The following LRRC4C variants were observed in gnomAD, a reference collection of about 807,000 sequenced individuals.
The protein encoded by LRRC4C is leucine rich repeat containing 4C, also known as leucine-rich repeat-containing protein 4C.
A neutral mutation model predicts 33.6 loss-of-function variants in LRRC4C; 5 were observed. The observed-to-expected ratio is 0.15, with a 90% confidence interval of 0.08 to 0.31. LRRC4C has a LOEUF of 0.31. Among genes scored for constraint, LRRC4C ranks in the 10% least tolerant of loss-of-function variants. LRRC4C has a pLI of 1.00. For synonymous variants in LRRC4C, 329 were observed against 302.0 expected, an observed-to-expected ratio of 1.09 and a Z score of -0.93; for missense variants, 560 against 796.7, an observed-to-expected ratio of 0.70 and a Z score of 3.58.
intron 1 of LRRC4C, among the ~76,000 whole-genome samples, chr11:41,001,281 G>A (rs1041789816): frequency 6.6e-6 from 1 of 152,120 alleles, no homozygotes; most frequent in African/African-American, 2.4e-5. Flanking sequence ...CCCCTTTTCA[G>A]TGAAGGATTC....
intron 2 of LRRC4C, among the ~76,000 whole-genome samples, chr11:40,817,885 C>T (rs981027067): frequency 6.6e-6 from 1 of 152,058 alleles, no homozygotes; most frequent in African/African-American, 2.4e-5. Flanking sequence ...GCTTTTCTAT[C>T]AGCATAACAC....
intron 1 of LRRC4C, among the ~76,000 whole-genome samples, chr11:40,950,385 CTATT>C (rs1565234048): frequency 6.6e-6 from 1 of 152,046 alleles, no homozygotes; most frequent in African/African-American, 2.4e-5. Flanking sequence ...CACTCAGATG[CTATT>C]TGTCTATTTT....
intron 3 of LRRC4C, among the ~76,000 whole-genome samples, chr11:40,452,699 A>G (rs1485563138): frequency 6.6e-6 from 1 of 152,218 alleles, no homozygotes; most frequent in African/African-American, 2.4e-5. Flanking sequence ...CCAAAGGGTT[A>G]TAAGTCATGC....
intron 1 of LRRC4C, among the ~76,000 whole-genome samples, chr11:40,979,505 T>C (rs1225923343): frequency 1.3e-5 from 2 of 152,200 alleles, no homozygotes; most frequent in Admixed American, 6.5e-5. Flanking sequence ...ATTACCACCA[T>C]TTCTTTCCCA....
chr11:40,389,401 A>G (rs948754507), intron 3 of LRRC4C, among the ~76,000 whole-genome samples: 1 of 152,128 alleles, frequency 6.6e-6, no homozygotes, highest in African/African-American at 2.4e-5. Context: ...TCGTAAAGAT[A>G]TTACTACAGG....
intron 1 of LRRC4C, among the ~76,000 whole-genome samples, chr11:40,992,473 T>A (rs1026297536): frequency 6.6e-5 from 10 of 151,856 alleles, no homozygotes; most frequent in Non-Finnish European, 1.3e-4. Flanking sequence ...TCTGAGAATG[T>A]AAAGGGCGGG....
intron 1 of LRRC4C, among the ~76,000 whole-genome samples, chr11:41,330,098 C>G (rs1591282458): frequency 6.6e-6 from 1 of 152,190 alleles, no homozygotes; most frequent in African/African-American, 2.4e-5. Flanking sequence ...TGCAATCATG[C>G]AGGCAGTACT....
At chr11:40,713,768 G>C (rs1433752835) in intron 2 of LRRC4C, among the ~76,000 whole-genome samples, 4 of 151,872 alleles carry the variant, frequency 2.6e-5, no homozygotes, top group African/African-American at 9.7e-5. Flanking sequence ...AAAGCTTTTT[G>C]TTTATCATGA....
chr11:40,776,980 T>G (rs555054415), intron 2 of LRRC4C, among the ~76,000 whole-genome samples: 1 of 152,348 alleles, frequency 6.6e-6, no homozygotes, highest in East Asian at 1.9e-4. Flanking sequence ...ATTGAATTTT[T>G]ATCCAAGAGT....
chr11:40,799,374 T>A (rs1334994529), intron 2 of LRRC4C, among the ~76,000 whole-genome samples: 1 of 152,210 alleles, frequency 6.6e-6, no homozygotes, highest in Non-Finnish European at 1.5e-5. Context: ...CAAAAAATAC[T>A]GGACAGAAAA....
intron 3 of LRRC4C, among the ~76,000 whole-genome samples, chr11:40,479,711 A>G (rs1177608635): frequency 6.6e-6 from 1 of 152,130 alleles, no homozygotes; most frequent in Non-Finnish European, 1.5e-5. Context: ...TTGACTGATC[A>G]TTTTATTTCT....
intron 1 of LRRC4C, among the ~76,000 whole-genome samples, chr11:41,242,854 A>T (rs1948307691): frequency 6.6e-6 from 1 of 152,316 alleles, no homozygotes; most frequent in East Asian, 1.9e-4. Flanking sequence ...TGGGTATCTT[A>T]ATAGCTATTT....
At chr11:40,976,011 T>G (rs1326219204) in intron 1 of LRRC4C, among the ~76,000 whole-genome samples, 1 of 152,204 alleles carries the variant, frequency 6.6e-6, no homozygotes, top group Non-Finnish European at 1.5e-5. Context: ...TTCCATAAAT[T>G]TAAATGGCAA....
At chr11:40,731,037 C>T (rs774505227) in intron 2 of LRRC4C, among the ~76,000 whole-genome samples, 5 of 152,002 alleles carry the variant, frequency 3.3e-5, no homozygotes, top group Non-Finnish European at 7.4e-5. Context: ...AGTGTGTGGC[C>T]GTCCGGGCGT....
chr11:40,296,052 T>C (rs1944495608), intron 4 of LRRC4C, among the ~76,000 whole-genome samples: 2 of 152,120 alleles, frequency 1.3e-5, no homozygotes, highest in Non-Finnish European at 2.9e-5. Context: ...GGAAGGCCAA[T>C]GATTTGTTTT....
chr11:40,620,860 T>C (rs1293638583), intron 3 of LRRC4C, among the ~76,000 whole-genome samples: 2 of 151,956 alleles, frequency 1.3e-5, no homozygotes, highest in Admixed American at 6.6e-5. Flanking sequence ...CTTTGCACTG[T>C]AAATGTATGA....
chr11:40,760,197 G>T (rs970599642), intron 2 of LRRC4C, among the ~76,000 whole-genome samples: 1 of 151,808 alleles, frequency 6.6e-6, no homozygotes, highest in Non-Finnish European at 1.5e-5. Context: ...ATGAAGGTTT[G>T]AAAATTGTCA....
chr11:41,009,564 T>G lies in LRRC4C; in HGVS notation c.-495-75841A>C, dbSNP rs539867690. ...AGTTCTCATGTATAAATTGACAAAT[T>G]CAAGAAAAAAAAATCAGAGAATCTG... On this transcript the variant is annotated intron_variant, in intron 1 of 6. Coordinates refer to ENST00000528697, the MANE Select transcript of LRRC4C (RefSeq NM_001258419.2). Among the ~76,000 whole-genome samples, 7 of 151,954 alleles carry G rather than the reference T, an allele frequency of 4.6e-5. No individual in the cohort carries two copies. In the South Asian group the frequency reaches 1.4e-3, roughly 31 times the overall value.
intron 3 of LRRC4C, among the ~76,000 whole-genome samples, chr11:40,626,699 T>C (rs888045433): frequency 4.6e-5 from 7 of 152,314 alleles, no homozygotes; most frequent in Non-Finnish European, 1.0e-4. Context: ...ACAGTCCTAA[T>C]ATCCATTATC....
Sources: gnomAD v4.1 joint callset for allele counts (sites outside exome capture counted in the v4.1 genomes callset) on GRCh38, gnomAD v4.1.1 for gene constraint, MANE v1.5 for transcripts, NCBI Gene and HGNC (gene_info 2026-07-23, HGNC 2026-07-21) for gene names.